Variants in CNOT9 observed in about 807,000 individuals in gnomAD.
The protein encoded by CNOT9 is CCR4-NOT transcription complex subunit 9.
Under a neutral mutation model 37.4 loss-of-function variants are expected in CNOT9, and 8 were observed. The ratio of observed to expected loss-of-function variants is 0.21; its 90% CI spans 0.13 to 0.39. CNOT9 has a LOEUF of 0.39. Ranked by LOEUF, CNOT9 falls within the 10% of genes least tolerant of loss-of-function variation. The probability of loss-of-function intolerance (pLI) is 1.00; values close to 1 mark genes in which losing one functional copy is unlikely to be tolerated. For missense variants in CNOT9, 154 were observed against 365.3 expected, an observed-to-expected ratio of 0.42 and a Z score of 4.71; for synonymous variants, 120 against 137.6, an observed-to-expected ratio of 0.87 and a Z score of 0.90.
chr2:218,579,940 T>G (rs1694314245), intron 1 of CNOT9, among the ~76,000 whole-genome samples: 1 of 150,750 alleles, frequency 6.6e-6, no homozygotes, highest in Admixed American at 6.6e-5. Flanking sequence ...TGCCTCAGCC[T>G]CCTGAGTAGC....
chr2:218,582,919 A>C, intron 2 of CNOT9, 52 bp from the exon 3 acceptor site: 3 of 960,724 alleles, frequency 3.1e-6, no homozygotes, highest in Non-Finnish European at 4.9e-6. Context: ...TTACCATGGG[A>C]ATTAATTTTT....
intron 1 of CNOT9, among the ~76,000 whole-genome samples, chr2:218,570,329 G>A (rs1297478334): frequency 6.6e-6 from 1 of 152,140 alleles, no homozygotes; most frequent in Non-Finnish European, 1.5e-5. Context: ...ATTGCCATAC[G>A]TTTAAGTACA....
chr2:218,575,265 T>C (rs1439755696), intron 1 of CNOT9, among the ~76,000 whole-genome samples: 1 of 152,222 alleles, frequency 6.6e-6, no homozygotes, highest in Non-Finnish European at 1.5e-5. Flanking sequence ...TAATCCTGGG[T>C]ACATGGATAC....
chr2:218,579,515 C>G (rs1444859150), intron 1 of CNOT9, among the ~76,000 whole-genome samples: 1 of 152,194 alleles, frequency 6.6e-6, no homozygotes, highest in African/African-American at 2.4e-5. Flanking sequence ...GAGACGGAGT[C>G]TCACACTGTC....
rs1694920271 is a variant in CNOT9 at position 218,596,123 on chromosome 2, T to A, written c.*1847T>A. ...GCCTTCCTGCTGAGCCAAAGTTTTC[T>A]CATTACCCCTCCACTGGGGAAGCAG... On this transcript the variant is annotated 3_prime_UTR_variant, in exon 8 of 8. Transcript: ENST00000273064. 1 of 152,246 alleles carries A rather than the reference T, an allele frequency of 6.6e-6. No homozygotes were observed. Among genetic ancestry groups the A allele is most frequent in the Non-Finnish European group, 1.5e-5 (1 of 68,080 alleles). 9.4% of individuals were successfully genotyped at this position (152,246 alleles called of 1,614,324 possible).
At chr2:218,589,619 C>T (rs1694708661) in intron 5 of CNOT9, among the ~76,000 whole-genome samples, 1 of 152,198 alleles carries the variant, frequency 6.6e-6, no homozygotes, top group South Asian at 2.1e-4. Context: ...AAGCATGAGC[C>T]ACTGTGCCTG....
intron 2 of CNOT9, among the ~76,000 whole-genome samples, chr2:218,582,090 G>A (rs75230556): frequency 9.2e-5 from 14 of 151,364 alleles, no homozygotes; most frequent in Non-Finnish European, 1.6e-4. Context: ...CAAAAAAAAA[G>A]AAAAAAAATG....
At chr2:218,581,743 G>A (rs1277572855) in intron 2 of CNOT9, among the ~76,000 whole-genome samples, 1 of 152,090 alleles carries the variant, frequency 6.6e-6, no homozygotes, top group Non-Finnish European at 1.5e-5. Context: ...ACTGATCTTT[G>A]TTATGGGAAC....
chr2:218,590,391 A>C (rs1361731843), intron 5 of CNOT9, among the ~76,000 whole-genome samples: 2 of 152,228 alleles, frequency 1.3e-5, no homozygotes, highest in Non-Finnish European at 2.9e-5. Flanking sequence ...TAATGTGTAC[A>C]TAGGTAAAAA....
intron 5 of CNOT9, among the ~76,000 whole-genome samples, chr2:218,589,792 C>T (rs1453925476): frequency 6.6e-6 from 1 of 152,238 alleles, no homozygotes; most frequent in Non-Finnish European, 1.5e-5. Flanking sequence ...GATACTGGCA[C>T]ACATCCCTAT....
At chr2:218,587,094 G>A (rs917681494) in intron 4 of CNOT9, among the ~76,000 whole-genome samples, 1 of 151,990 alleles carries the variant, frequency 6.6e-6, no homozygotes, top group Non-Finnish European at 1.5e-5. Context: ...ACACATATAT[G>A]GTCAGTTGAT....
chr2:218,571,418 C>T (rs990867606), intron 1 of CNOT9, among the ~76,000 whole-genome samples: 6 of 152,000 alleles, frequency 3.9e-5, no homozygotes, highest in Non-Finnish European at 8.8e-5. Flanking sequence ...CATAGCAAGA[C>T]TTTGTCTATT....
At chr2:218,591,353 A>G (rs2106098710) in intron 5 of CNOT9, among the ~76,000 whole-genome samples, 1 of 152,354 alleles carries the variant, frequency 6.6e-6, no homozygotes, top group South Asian at 2.1e-4. Context: ...GAGGCCACAT[A>G]TAAGCTTCAC....
chr2:218,579,867 G>A (rs1437644772), intron 1 of CNOT9, among the ~76,000 whole-genome samples: 1 of 151,678 alleles, frequency 6.6e-6, no homozygotes, highest in Non-Finnish European at 1.5e-5. Context: ...CGCCCAAGCT[G>A]GAGTGCAATG....
chr2:218,571,725 C>T lies in CNOT9; in HGVS notation c.24+2747C>T, dbSNP rs558741304. Among the ~76,000 whole-genome samples the T allele has an allele frequency of 7.7e-4, 110 of 143,682 alleles. 1 individual carries two copies. The highest frequency in any genetic ancestry group is 2.8e-3 in the South Asian group (12 of 4,322). 94.3% of individuals were successfully genotyped at this position (143,682 alleles called of 152,430 possible). A position where few individuals can be genotyped will look rare whatever the true frequency, so the allele number is the denominator to read the frequency against. ...TAGCTGGGATTACAGGCATTAGCCA[C>T]GACGCCTGGCTAATTTTTTTTTTTT... On this transcript the variant is annotated intron_variant, in intron 1 of 7. Coordinates refer to ENST00000273064, the MANE Select transcript of CNOT9 (RefSeq NM_005444.3).
At chr2:218,571,938 C>T (rs900363752) in intron 1 of CNOT9, among the ~76,000 whole-genome samples, 6 of 151,980 alleles carry the variant, frequency 3.9e-5, no homozygotes, top group Middle Eastern at 3.4e-3. Flanking sequence ...TATTCATTAC[C>T]GCTACCATTG....
chr2:218,595,314 C>T lies in CNOT9; in HGVS notation c.*1038C>T, dbSNP rs1175935008. On this transcript the variant is annotated 3_prime_UTR_variant, in exon 8 of 8. Coordinates refer to ENST00000273064, the MANE Select transcript of CNOT9 (RefSeq NM_005444.3). ...TTAGTGTGAATTTCAGCAGCTCCATCTGTCTTCATGATTGTACTTGAGCAG... is the reference window on the plus strand; with the variant it reads ...TTAGTGTGAATTTCAGCAGCTCCATTTGTCTTCATGATTGTACTTGAGCAG... 1 of 147,390 alleles carries T rather than the reference C, an allele frequency of 6.8e-6. No homozygotes were observed. Among genetic ancestry groups the T allele is most frequent in the African/African-American group, 2.5e-5 (1 of 40,024 alleles). The allele number at this position is 147,390 out of a possible 1,614,324, so 9.1% of individuals were successfully genotyped here.
chr2:218,585,659 G>A (rs1694567851), intron 4 of CNOT9, among the ~76,000 whole-genome samples: 1 of 130,072 alleles, frequency 7.7e-6, no homozygotes, highest in Non-Finnish European at 1.7e-5. Flanking sequence ...TTTTTTTTGA[G>A]ACAAGGTCTT....
At position 218,592,901 on chromosome 2, in the gene CNOT9, C is replaced by T; in HGVS notation, c.731+194C>T. The T allele has an allele frequency of 1.7e-6, 1 of 582,882 alleles. No homozygotes were observed. The highest frequency in any genetic ancestry group is 2.0e-5 in the South Asian group (1 of 49,350). The allele number at this position is 582,882 out of a possible 1,614,324, so 36.1% of individuals were successfully genotyped here. On this transcript the variant is annotated intron_variant, in intron 7 of 7. Coordinates refer to ENST00000273064, the MANE Select transcript of CNOT9 (RefSeq NM_005444.3). This position sits in a 1 kb window ranked among gnomAD's most constrained non-coding sequence, Gnocchi z 4.1. ...TTAGTAGCCATCAGTTTCATCTTCT[C>T]ACTGTAACTCTCCATCCTACTGTGA...
Sources: allele counts gnomAD v4.1 joint callset (sites outside exome capture counted in the v4.1 genomes callset), GRCh38; gene constraint gnomAD v4.1.1; non-coding constraint Gnocchi (gnomAD v3.1); transcripts MANE v1.5; gene names NCBI Gene and HGNC (gene_info 2026-07-23, HGNC 2026-07-21).